The following XKR4 variants were observed in gnomAD, a reference collection of about 807,000 sequenced individuals.
XKR4 encodes XK-related protein 4.
XKR4 carries 12 observed loss-of-function variants against 53.9 expected under a neutral mutation model. The ratio of observed to expected loss-of-function variants is 0.22; its 90% confidence interval spans 0.14 to 0.36. The LOEUF (loss-of-function observed/expected upper bound fraction) is 0.36, where lower values mean the gene tolerates loss of function less well. XKR4 is among the 10% of genes least tolerant of loss of function. XKR4 has a pLI of 1.00. For synonymous variants in XKR4, 354 were observed against 362.4 expected (o/e 0.98, Z 0.26); for missense variants, 799 against 859.5 (o/e 0.93, Z 0.88).
chr8:55,234,008 C>T (rs762070391), intron 1 of XKR4, among the ~76,000 whole-genome samples: 2 of 152,182 alleles, frequency 1.3e-5, no homozygotes, highest in Non-Finnish European at 2.9e-5. Context: ...GGGTCAGTAC[C>T]AAAGCCAATA....
chr8:55,531,292 C>G lies in XKR4; in HGVS notation c.*7065C>G, dbSNP rs1036994733. On this transcript the variant is annotated 3_prime_UTR_variant, in exon 3 of 3. Coordinates refer to ENST00000327381, the MANE Select transcript of XKR4 (RefSeq NM_052898.2). ...AAACCTGTACAGCATGCTACTGTAC[C>G]GAATACTGTAGGCAACTGTAACACC... 2 of 151,930 alleles carry G rather than the reference C, an allele frequency of 1.3e-5. No homozygotes were observed. Among genetic ancestry groups the G allele is most frequent in the Non-Finnish European group, 2.9e-5 (2 of 67,986 alleles). 9.4% of individuals were successfully genotyped at this position (151,930 alleles called of 1,614,324 possible).
chr8:55,285,049 C>G (rs935381850), intron 1 of XKR4, among the ~76,000 whole-genome samples: 4 of 152,222 alleles, frequency 2.6e-5, no homozygotes, highest in Non-Finnish European at 4.4e-5. Context: ...AAAACCAGCT[C>G]AGATCATATC....
chr8:55,491,156 T>G (rs533816619), intron 2 of XKR4, among the ~76,000 whole-genome samples: 1 of 152,356 alleles, frequency 6.6e-6, no homozygotes, highest in South Asian at 2.1e-4. Flanking sequence ...ATAACATTTT[T>G]CACCTTTAAA....
At chr8:55,401,708 A>G (rs941501878) in intron 2 of XKR4, among the ~76,000 whole-genome samples, 1 of 152,242 alleles carries the variant, frequency 6.6e-6, no homozygotes, top group African/African-American at 2.4e-5. Context: ...CCTTTCCATT[A>G]AGGCAGCCAT....
At chr8:55,120,277 T>C (rs1648422590) in intron 1 of XKR4, among the ~76,000 whole-genome samples, 1 of 152,204 alleles carries the variant, frequency 6.6e-6, no homozygotes, top group South Asian at 2.1e-4. Context: ...CTTTTCTCAG[T>C]TCCCTAAGCT....
In XKR4 at chr8:55,528,549, G is replaced by C. The variant is rs1806907969; in HGVS notation, c.*4322G>C. 6.6e-6 allele frequency: 1 copy of C among 152,170 alleles called. No individual in the cohort carries two copies. The highest frequency in any genetic ancestry group is 2.4e-5 in the African/African-American group (1 of 41,432). 9.4% of individuals were successfully genotyped at this position (152,170 alleles called of 1,614,324 possible). On this transcript the variant is annotated 3_prime_UTR_variant, in exon 3 of 3. Transcript: ENST00000327381. ...CATATCTTTGCCATTAGCCATTGCT[G>C]TTTCTATATAAAGCTTGGATGAGAT...
In XKR4 at chr8:55,396,530, G is replaced by A. The variant is rs149826331; in HGVS notation, c.1006+38653G>A. On this transcript the variant is annotated intron_variant, in intron 2 of 2. Coordinates refer to ENST00000327381, the MANE Select transcript of XKR4 (RefSeq NM_052898.2). ...TGTCACCAGAGTCCCCAAGGGATGG[G>A]AGAGAAAAAGAACAGCCCAGAAGAA... Among the ~76,000 whole-genome samples the A allele has an allele frequency of 6.5e-3, 984 of 151,672 alleles. 13 individuals carry two copies. The highest frequency in any genetic ancestry group is 0.022 in the African/African-American group (893 of 41,238).
intron 1 of XKR4, among the ~76,000 whole-genome samples, chr8:55,213,911 G>C (rs1337625933): frequency 7.6e-6 from 1 of 131,366 alleles, no homozygotes; most frequent in South Asian, 2.4e-4. Flanking sequence ...GCCCAGGCTG[G>C]AGTGCAGTGG....
chr8:55,243,189 A>G (rs1818235596), intron 1 of XKR4, among the ~76,000 whole-genome samples: 1 of 152,118 alleles, frequency 6.6e-6, no homozygotes, highest in Non-Finnish European at 1.5e-5. Flanking sequence ...TTGACACATC[A>G]TTATCACCCA....
intron 1 of XKR4, among the ~76,000 whole-genome samples, chr8:55,350,785 G>T (rs575218208): frequency 3.4e-5 from 5 of 147,022 alleles, no homozygotes; most frequent in African/African-American, 1.3e-4. Context: ...TGTCACCCTG[G>T]CTGGAGTGCA....
chr8:55,390,718 A>G (rs1804433225), intron 2 of XKR4, among the ~76,000 whole-genome samples: 1 of 152,188 alleles, frequency 6.6e-6, no homozygotes, highest in African/African-American at 2.4e-5. Flanking sequence ...TTCATGCACC[A>G]TCTTCTGGCC....
At chr8:55,466,476 G>A (rs1805771471) in intron 2 of XKR4, among the ~76,000 whole-genome samples, 1 of 151,906 alleles carries the variant, frequency 6.6e-6, no homozygotes, top group South Asian at 2.1e-4. Flanking sequence ...CTCACACCGG[G>A]GACTGTTATG....
In XKR4 at chr8:55,215,291, T is replaced by C. The variant is rs190413582; in HGVS notation, c.806+111997T>C. Among the ~76,000 whole-genome samples, 339 of 152,332 alleles carry C rather than the reference T, an allele frequency of 2.2e-3. 2 individuals are homozygous for C. The highest frequency in any genetic ancestry group is 7.6e-3 in the African/African-American group (318 of 41,574). ...AACTAGTCCAGCAAAGCTCCTTGGG[T>C]GCATATAGCATAATAAAGCTTTTTC... On this transcript the variant is annotated intron_variant, in intron 1 of 2. Coordinates refer to ENST00000327381, the MANE Select transcript of XKR4 (RefSeq NM_052898.2).
chr8:55,328,244 G>A (rs756111630), intron 1 of XKR4, among the ~76,000 whole-genome samples: 5 of 152,118 alleles, frequency 3.3e-5, no homozygotes, highest in Non-Finnish European at 5.9e-5. Context: ...TATCACTATT[G>A]ATTGAATTTT....
intron 1 of XKR4, among the ~76,000 whole-genome samples, chr8:55,235,072 G>A (rs1231109282): frequency 2.6e-5 from 4 of 152,218 alleles, no homozygotes; most frequent in African/African-American, 9.6e-5. Context: ...GATTGGCAGG[G>A]TTGGTTGCTG....
intron 2 of XKR4, among the ~76,000 whole-genome samples, chr8:55,411,333 C>G (rs903578758): frequency 6.6e-6 from 1 of 152,124 alleles, no homozygotes; most frequent in Non-Finnish European, 1.5e-5. Flanking sequence ...TGAATGTCCT[C>G]ATATTTGTAT....
At chr8:55,383,858 A>G (rs1016808492) in intron 2 of XKR4, among the ~76,000 whole-genome samples, 3 of 152,204 alleles carry the variant, frequency 2.0e-5, no homozygotes, top group Non-Finnish European at 4.4e-5. Flanking sequence ...ACCAGGATTC[A>G]TATTCAGACA....
At chr8:55,391,711 T>C (rs1274352509) in intron 2 of XKR4, among the ~76,000 whole-genome samples, 1 of 152,090 alleles carries the variant, frequency 6.6e-6, no homozygotes, top group Non-Finnish European at 1.5e-5. Context: ...TTTTCCATAT[T>C]CAAAACATAA....
chr8:55,291,697 A>G (rs1819023759), intron 1 of XKR4, among the ~76,000 whole-genome samples: 1 of 152,118 alleles, frequency 6.6e-6, no homozygotes, highest in Non-Finnish European at 1.5e-5. Flanking sequence ...TTTTTATGTT[A>G]TCATACATCT....
Sources: allele counts gnomAD v4.1 joint callset (sites outside exome capture counted in the v4.1 genomes callset), GRCh38; gene constraint gnomAD v4.1.1; transcripts MANE v1.5; gene names NCBI Gene and HGNC (gene_info 2026-07-23, HGNC 2026-07-21).